Variants in ABLIM1 observed in about 807,000 individuals in gnomAD.
The protein encoded by ABLIM1 is actin binding LIM protein 1.
A neutral mutation model predicts 107.0 loss-of-function variants in ABLIM1; 40 were observed. That is an observed-to-expected ratio of 0.37 (90% confidence interval 0.29 to 0.49). ABLIM1 has a LOEUF of 0.49. ABLIM1 is among the 20% of genes least tolerant of loss of function. ABLIM1 has a pLI of 0.97. For synonymous variants in ABLIM1, 357 were observed against 357.3 expected, an observed-to-expected ratio of 1.00 and a Z score of 0.01; for missense variants, 857 against 1,008.5, an observed-to-expected ratio of 0.85 and a Z score of 2.04.
At chr10:114,443,983 G>C (rs756957219) in intron 17 of ABLIM1, 46 bp downstream of exon 17, 1 of 1,499,408 alleles carries the variant, frequency 6.7e-7, no homozygotes, top group East Asian at 2.3e-5. Context: ...CTTACAAGCA[G>C]GTGGCTGGCT....
At chr10:114,702,525 CT>C (rs11374796) in intron 1 of ABLIM1, among the ~76,000 whole-genome samples, 630 of 129,566 alleles carry the variant, frequency 4.9e-3, no homozygotes, top group Non-Finnish European at 5.6e-3. Flanking sequence ...AGTAAGAACA[CT>C]TTTTTTTTTT....
chr10:114,685,933 G>A (rs187545308), upstream of ABLIM1, among the ~76,000 whole-genome samples: 205 of 152,128 alleles, frequency 1.3e-3, no homozygotes, highest in African/African-American at 4.9e-3. Context: ...TTTAAATCTC[G>A]AAGTATTATT....
intron 4 of ABLIM1, among the ~76,000 whole-genome samples, chr10:114,559,530 C>T (rs1014674531): frequency 6.6e-6 from 1 of 151,726 alleles, no homozygotes; most frequent in African/African-American, 2.4e-5. Context: ...AAAGTTCTGG[C>T]CATGGCTGTA....
At chr10:114,513,623 G>A (rs1484903808) in intron 6 of ABLIM1, among the ~76,000 whole-genome samples, 1 of 152,120 alleles carries the variant, frequency 6.6e-6, no homozygotes, top group African/African-American at 2.4e-5. Context: ...CTGTGTGCTG[G>A]TATGCTCAGG....
intron 6 of ABLIM1, among the ~76,000 whole-genome samples, chr10:114,512,902 A>C (rs2062129663): frequency 6.7e-6 from 1 of 148,270 alleles, no homozygotes; most frequent in Admixed American, 6.6e-5. Context: ...GAAGGAAGGA[A>C]GGAAGGAAAG....
chr10:114,658,714 C>T (rs1299903135), upstream of ABLIM1, among the ~76,000 whole-genome samples: 1 of 152,150 alleles, frequency 6.6e-6, no homozygotes, highest in Non-Finnish European at 1.5e-5. Context: ...AGCTTCAATT[C>T]GTGACAAATC....
chr10:114,549,200 T>G (rs1026745365), intron 4 of ABLIM1, among the ~76,000 whole-genome samples: 8 of 152,072 alleles, frequency 5.3e-5, no homozygotes, highest in African/African-American at 1.9e-4. Flanking sequence ...GCCTGACTAA[T>G]GTGGTGAAAC....
Position 114,473,141 on chromosome 10 carries a change from G to A in ABLIM1, c.1120-9C>T. On this transcript the variant is annotated splice_polypyrimidine_tract_variant and intron_variant, in intron 9 of 22. Transcript: ENST00000533213. ...TCATTGTCTACTTTTGCCTGGCAAA[G>A]TTAACCAGAAAGAACAATTACCTTG... The A allele has an allele frequency of 6.2e-7, 1 of 1,603,662 alleles. No individual in the cohort carries two copies. Among genetic ancestry groups the A allele is most frequent in the Non-Finnish European group, 8.5e-7 (1 of 1,173,708 alleles).
chr10:114,479,596 G>A lies in ABLIM1; in HGVS notation c.1042-5640C>T, dbSNP rs186193076. 2.0e-5 allele frequency among the ~76,000 whole-genome samples: 3 copies of A among 152,208 alleles called. No homozygotes were observed. The East Asian group carries it at 5.8e-4, about 29-fold the overall frequency. Reference sequence around the variant, plus strand: ...CTTGCACAGTCTGTCTTATCTGCCAGGACAGTTCCTGGTTTGTTGCCTACT... The same window carrying A: ...CTTGCACAGTCTGTCTTATCTGCCAAGACAGTTCCTGGTTTGTTGCCTACT... On this transcript the variant is annotated intron_variant, in intron 8 of 22. Coordinates refer to ENST00000533213, the MANE Select transcript of ABLIM1 (RefSeq NM_002313.7).
intron 6 of ABLIM1, among the ~76,000 whole-genome samples, chr10:114,513,796 C>T (rs1478810299): frequency 1.3e-5 from 2 of 152,192 alleles, no homozygotes; most frequent in African/African-American, 4.8e-5. Flanking sequence ...GCCAACACTA[C>T]CAAGAAATCT....
chr10:114,740,058 T>C (rs1026792671), intron 1 of ABLIM1, among the ~76,000 whole-genome samples: 2 of 152,102 alleles, frequency 1.3e-5, no homozygotes, highest in African/African-American at 4.8e-5. Context: ...AATTTGAACA[T>C]ACAATGTGCA....
At chr10:114,584,576 C>G (rs1017176660) in intron 2 of ABLIM1, among the ~76,000 whole-genome samples, 1 of 152,132 alleles carries the variant, frequency 6.6e-6, no homozygotes, top group Admixed American at 6.6e-5. Flanking sequence ...TGAGCAGAGA[C>G]TCATCAACAA....
chr10:114,489,522 A>G (rs1223008647), intron 7 of ABLIM1, among the ~76,000 whole-genome samples: 2 of 152,176 alleles, frequency 1.3e-5, no homozygotes, highest in Non-Finnish European at 2.9e-5. Context: ...AAATAAACAA[A>G]CAAAAAATTC....
intron 1 of ABLIM1, among the ~76,000 whole-genome samples, chr10:114,608,430 G>T (rs1458021861): frequency 6.6e-6 from 1 of 152,190 alleles, no homozygotes; most frequent in Non-Finnish European, 1.5e-5. Context: ...AGCACTTTGG[G>T]AGGCCGAGGC....
At chr10:114,661,923 G>A (rs1239925545), upstream of ABLIM1, among the ~76,000 whole-genome samples, 1 of 152,204 alleles carries the variant, frequency 6.6e-6, no homozygotes, top group Middle Eastern at 3.2e-3. Flanking sequence ...AAAGCCAGGT[G>A]TTTTGGGGCT....
intron 1 of ABLIM1, among the ~76,000 whole-genome samples, chr10:114,656,099 C>A (rs1334221378): frequency 1.3e-5 from 2 of 151,896 alleles, no homozygotes; most frequent in African/African-American, 4.8e-5. Context: ...GGTGAAACCC[C>A]ATCTCTACTA....
intron 6 of ABLIM1, among the ~76,000 whole-genome samples, chr10:114,533,656 C>T (rs1197274112): frequency 1.3e-5 from 2 of 152,000 alleles, no homozygotes; most frequent in Admixed American, 6.6e-5. Flanking sequence ...CCAAAATTAT[C>T]GTGTTTTTGT....
the ABLIM1 span, among the ~76,000 whole-genome samples, chr10:114,784,140 G>A: frequency 2.6e-5 from 4 of 151,722 alleles, no homozygotes; most frequent in African/African-American, 9.7e-5. Context: ...AAGGTCAGGA[G>A]TTCTAGACAA....
At chr10:114,601,702 T>C in intron 2 of ABLIM1, 125 bp downstream of exon 2, 1 of 1,472,038 alleles carries the variant, frequency 6.8e-7, no homozygotes, top group Admixed American at 1.7e-5. Flanking sequence ...GTAAATGATG[T>C]CAGGGCTTCT....
Sources: allele counts gnomAD v4.1 joint callset (sites outside exome capture counted in the v4.1 genomes callset), GRCh38; gene constraint gnomAD v4.1.1; transcripts MANE v1.5; gene names NCBI Gene and HGNC (gene_info 2026-07-23, HGNC 2026-07-21).